BAP1: variants seen among roughly 807,000 people sequenced by gnomAD.
BAP1 encodes BRCA1 associated deubiquitinase 1.
In BAP1, 16 loss-of-function variants were observed where a neutral mutation model predicts 77.2. The observed-to-expected ratio is 0.21, with a 90% CI of 0.14 to 0.31. BAP1 has a LOEUF of 0.31. BAP1 is among the 10% of genes least tolerant of loss of function. The probability of loss-of-function intolerance (pLI) is 1.00; values close to 1 mark genes in which losing one functional copy is unlikely to be tolerated. For missense variants in BAP1, 699 were observed against 967.3 expected (o/e 0.72, Z 3.68); for synonymous variants, 362 against 385.2 (o/e 0.94, Z 0.71).
rs1221168827 is a variant in BAP1, at chr3:52,404,565, C to A, written c.1138G>T (p.Gly380Cys). 1 of 1,613,752 alleles carries A rather than the reference C, an allele frequency of 6.2e-7. No individual in the cohort carries two copies. The highest frequency in any genetic ancestry group is 8.5e-7 in the Non-Finnish European group (1 of 1,179,934). Residue 380 changes from glycine to cysteine, a missense_variant, in exon 12 of 17, where the codon GGT becomes TGT. By Grantham distance (159) the Gly-to-Cys change is radical. Transcript: ENST00000460680. Reference protein sequence around the residue: ...PMQEEEDLAAGVGRSRVPVRP... With the variant: ...PMQEEEDLAACVGRSRVPVRP... ...ACTGGAACTCGGCTGCGGCCCACAC[C>A]TGCCGCCAGGTCTTCTTCCTCCTGG...
rs1338156004 is a variant in BAP1, at chr3:52,401,393, C to T, written c.*895G>A. The T allele has an allele frequency of 8.6e-6, 2 of 233,520 alleles. No homozygotes were observed. The highest frequency in any genetic ancestry group is 8.5e-6 in the Non-Finnish European group (1 of 118,016). The allele number at this position is 233,520 out of a possible 1,614,324, so 14.5% of individuals were successfully genotyped here. A position where few individuals can be genotyped will look rare whatever the true frequency, so the allele number is the denominator to read the frequency against. On this transcript the variant is annotated 3_prime_UTR_variant, in exon 17 of 17. Transcript: ENST00000460680. The stretch of plus-strand genomic sequence containing the variant: ...CAGCTTCCTATAAGCAACCCTGTCT[C>T]TGCTACCCCTGAGAGGGAGACATGG...
At position 52,404,441 on chromosome 3, in the gene BAP1, A is replaced by G; in HGVS notation, c.1250+12T>C. 6.2e-7 allele frequency: 1 copy of G among 1,614,230 alleles called. No individual in the cohort carries two copies. Among genetic ancestry groups the G allele is most frequent in the Non-Finnish European group, 8.5e-7 (1 of 1,180,042 alleles). ...CACCTAGAACCTGGTAGCCTTAGAA[A>G]GCTGGGCTGACCTAAGGGCAGAGTT... On this transcript the variant is annotated intron_variant, in intron 12 of 16. Coordinates refer to ENST00000460680, the MANE Select transcript of BAP1 (RefSeq NM_004656.4).
chr3:52,404,994 G>A (rs1578222937), intron 11 of BAP1, 116 bp downstream of exon 11: 3 of 1,411,696 alleles, frequency 2.1e-6, no homozygotes, highest in Admixed American at 1.7e-5. Flanking sequence ...CCAGGCCCAG[G>A]CAGCTTGACC....
At position 52,403,662 on chromosome 3, in the gene BAP1, T is replaced by C; in HGVS notation, c.1483A>G (p.Thr495Ala). 6.2e-7 allele frequency: 1 copy of C among 1,613,808 alleles called. No homozygotes were observed. Among genetic ancestry groups the C allele is most frequent in the Non-Finnish European group, 8.5e-7 (1 of 1,179,776 alleles). The change falls in exon 13 of 17, where the codon ACG becomes GCG. Residue 495 changes from threonine (T) to alanine (A), a missense_variant. Physicochemically the swap from Thr to Ala is moderately conservative, Grantham distance 58. Transcript: ENST00000460680. The surrounding 1 kb of genome is among the most constrained non-coding windows in gnomAD (Gnocchi z 4.0). ...AAAGCACTGCCGATCTCAGAGGCCG[T>C]GTCTGTACTCTCATTGCTGGGGGTG... ...SPTPSNESTD[T>A]ASEIGSAFNS...
At chr3:52,405,641 T>A (rs757695849) in intron 10 of BAP1, 124 bp downstream of exon 10, 161 of 1,459,788 alleles carry the variant, frequency 1.1e-4, no homozygotes, top group Middle Eastern at 2.4e-4. Context: ...CCCTCTACCT[T>A]CTGACGGGGG....
intron 5 of BAP1, 31 bp downstream of exon 5, chr3:52,407,927 T>C (rs2153228058): frequency 6.2e-7 from 1 of 1,612,750 alleles, no homozygotes; most frequent in Non-Finnish European, 8.5e-7. Context: ...CCCAGTTGGC[T>C]GTGAGCCAGG....
At position 52,406,891 on chromosome 3, in the gene BAP1, G is replaced by A. The variant is rs747458975; in HGVS notation, c.597C>T (p.Asp199=). 5.1e-6 allele frequency: 8 copies of A among 1,571,410 alleles called. No individual in the cohort carries two copies. Among genetic ancestry groups the A allele is most frequent in the Admixed American group, 1.9e-5 (1 of 53,948 alleles). ...GCCGGGCCTTGTCTGTCCACTCCTCGTCCTCCCCCCAGGGCCCTAGTGGAG... is the reference window on the plus strand; with the variant it reads ...GCCGGGCCTTGTCTGTCCACTCCTCATCCTCCCCCCAGGGCCCTAGTGGAG... ...YPIDHGPWGE[D]EEWTDKARRV... Residue 199 remains aspartate, a synonymous_variant, in exon 8 of 17, where the codon GAC becomes GAT. Transcript: ENST00000460680. The surrounding 1 kb of genome is among the most constrained non-coding windows in gnomAD (Gnocchi z 4.6).
rs571975248 is a variant in BAP1 at position 52,401,877 on chromosome 3, C to G, written c.*411G>C. The G allele has an allele frequency of 8.8e-6, 3 of 339,826 alleles. No individual in the cohort carries two copies. The highest frequency in any genetic ancestry group is 6.2e-5 in the African/African-American group (3 of 48,776). The allele number at this position is 339,826 out of a possible 1,614,324, so 21.1% of individuals were successfully genotyped here. A position where few individuals can be genotyped will look rare whatever the true frequency, so the allele number is the denominator to read the frequency against. On this transcript the variant is annotated 3_prime_UTR_variant, in exon 17 of 17. Transcript: ENST00000460680. The stretch of plus-strand genomic sequence containing the variant: ...GCATGATACAAGGACCTGGGCCCAC[C>G]AGGACAGCTCCTAGGAGAGAAAGCA...
At chr3:52,405,510 A>AAG in intron 10 of BAP1, 1 of 619,404 alleles carries the variant, frequency 1.6e-6, no homozygotes, top group South Asian at 2.2e-5. Flanking sequence ...AAAAAAAAAA[A>AAG]AAAAAAAAAA....
At chr3:52,405,997 A>G (rs1705144921) in intron 9 of BAP1, 85 bp from the exon 10 acceptor site, 24 of 1,588,290 alleles carry the variant, frequency 1.5e-5, no homozygotes, top group Non-Finnish European at 2.0e-5. Context: ...ACCTAAAGGA[A>G]TAATGGCCTT....
In BAP1 at chr3:52,402,445, AGCAGGTGCTGGCTGCCTCAGGCCAG is replaced by A; in HGVS notation, c.2057-49_2057-25del. On this transcript the variant is annotated intron_variant, in intron 16 of 16. Coordinates refer to ENST00000460680, the MANE Select transcript of BAP1 (RefSeq NM_004656.4). The surrounding 1 kb of genome is among the most constrained non-coding windows in gnomAD (Gnocchi z 5.3). Reference sequence around the variant, plus strand: ...GCCTGCGAAGAGGTAGAGACCCTTGAGCAGGTGCTGGCTGCCTCAGGCCAGGAGCTGAGGCTCTCATGGCCCTCCC... The same window carrying A: ...GCCTGCGAAGAGGTAGAGACCCTTGAGAGCTGAGGCTCTCATGGCCCTCCC... The A allele has an allele frequency of 5.1e-6, 8 of 1,572,242 alleles. No homozygotes were observed. The South Asian group carries it at 9.2e-5, about 18-fold the overall frequency.
In BAP1 at chr3:52,401,030, A is replaced by G. The variant is rs1704935875; in HGVS notation, c.*1258T>C. On this transcript the variant is annotated 3_prime_UTR_variant, in exon 17 of 17. Transcript: ENST00000460680. Reference sequence around the variant, plus strand: ...TCATTTCTCAGGAGATTCTTAGGAGAGTTTTATTCATTCATTGATCCAGTA... The same window carrying G: ...TCATTTCTCAGGAGATTCTTAGGAGGGTTTTATTCATTCATTGATCCAGTA... 1.3e-5 allele frequency: 3 copies of G among 228,262 alleles called. No individual in the cohort carries two copies. Among genetic ancestry groups the G allele is most frequent in the Admixed American group, 5.5e-5 (1 of 18,256 alleles). 14.1% of individuals were successfully genotyped at this position (228,262 alleles called of 1,614,324 possible).
At position 52,401,976 on chromosome 3, in the gene BAP1, G is replaced by A; in HGVS notation, c.*312C>T. On this transcript the variant is annotated 3_prime_UTR_variant, in exon 17 of 17. Transcript: ENST00000460680. ...CCAGAAAAATAGATGTCTCTGATAG[G>A]TAAAATATATATTCTGCTGCCCAGG... is the stretch of plus-strand genomic sequence containing the variant. 2.0e-6 allele frequency: 1 copy of A among 510,698 alleles called. No homozygotes were observed. The allele number at this position is 510,698 out of a possible 1,614,324, so 31.6% of individuals were successfully genotyped here.
chr3:52,407,963 G>A lies in BAP1; in HGVS notation c.370C>T (p.Pro124Ser), dbSNP rs1476956421. Reference sequence around the variant, plus strand: ...ATGAAGGCACTGCAGCCTACCTCAGGGCTGAAACCCTTGGTGAAGTCCTTC... The same window carrying A: ...ATGAAGGCACTGCAGCCTACCTCAGAGCTGAAACCCTTGGTGAAGTCCTTC... ...RMKDFTKGFS[P>S]ESKGYAIGNA... The change falls in exon 5 of 17, where the codon CCT (proline) becomes TCT (serine). Residue 124 changes from proline (P) to serine (S), a missense_variant. By Grantham distance (74) the Pro-to-Ser change is moderately conservative (BLOSUM62 -1). Around this residue, in one of 3 missense-constraint regions of BAP1, gnomAD observed 160 missense variants for 322.8 expected, o/e 0.50. Transcript: ENST00000460680. The A allele has an allele frequency of 1.2e-6, 2 of 1,613,748 alleles. No homozygotes were observed. Among genetic ancestry groups the A allele is most frequent in the South Asian group, 2.2e-5 (2 of 91,026 alleles).
At chr3:52,405,383 C>T (rs1399550258) in intron 10 of BAP1, 89 bp from the exon 11 acceptor site, 2 of 1,544,200 alleles carry the variant, frequency 1.3e-6, no homozygotes, top group Non-Finnish European at 8.9e-7. Context: ...CCAGCACTTC[C>T]CAGAGAAGAA....
In BAP1 at chr3:52,406,359, A is replaced by T. The variant is rs2153227492; in HGVS notation, c.677T>A (p.Ile226Asn). Residue 226 changes from isoleucine to asparagine, a missense_variant, in exon 9 of 17, where the codon ATC (isoleucine) becomes AAC (asparagine). Physicochemically the swap from Ile to Asn is moderately radical, Grantham distance 149. Coordinates refer to ENST00000460680, the MANE Select transcript of BAP1 (RefSeq NM_004656.4). The surrounding 1 kb of genome is among the most constrained non-coding windows in gnomAD (Gnocchi z 4.6). ...LATAGEPYHD[I>N]RFNLMAVVPD... ...CACCACTGCCATCAGGTTGAAGCGGATGTCGTGGTAGGGCTCCCTGCAGTC... is the reference window on the plus strand; with the variant it reads ...CACCACTGCCATCAGGTTGAAGCGGTTGTCGTGGTAGGGCTCCCTGCAGTC... 6.2e-7 allele frequency: 1 copy of T among 1,613,872 alleles called. No homozygotes were observed. The highest frequency in any genetic ancestry group is 1.1e-5 in the South Asian group (1 of 91,078).
chr3:52,408,117 C>A (rs2153228185), intron 4 of BAP1, 40 bp from the exon 5 acceptor site: 1 of 1,573,206 alleles, frequency 6.4e-7, no homozygotes, highest in South Asian at 1.2e-5. Context: ...CAGCACCCCT[C>A]ACTGCAAGCC....
intron 5 of BAP1, 117 bp from the exon 6 acceptor site, chr3:52,407,577 G>A (rs929028281): frequency 2.1e-6 from 3 of 1,421,742 alleles, no homozygotes; most frequent in Non-Finnish European, 2.9e-6. Flanking sequence ...AAGGAACACA[G>A]ACGAACTTTC....
chr3:52,405,008 C>T (rs1042162678), intron 11 of BAP1, 102 bp downstream of exon 11: 19 of 1,517,470 alleles, frequency 1.3e-5, no homozygotes, highest in Admixed American at 3.3e-5. Flanking sequence ...CTTGACCCAG[C>T]CATGCCAAGG....
Sources: allele counts gnomAD v4.1 joint callset, GRCh38; gene constraint gnomAD v4.1.1; regional missense constraint gnomAD v4.1.1; non-coding constraint Gnocchi (gnomAD v3.1); transcripts MANE v1.5; gene names NCBI Gene and HGNC (gene_info 2026-07-23, HGNC 2026-07-21).